NRXN3: variants seen among roughly 807,000 people sequenced by gnomAD.
NRXN3 encodes the protein neurexin 3, also known as neurexin III.
Under a neutral mutation model 137.6 loss-of-function variants are expected in NRXN3, and 32 were observed. The ratio of observed to expected loss-of-function variants is 0.23; its 90% CI spans 0.18 to 0.31. NRXN3 has a LOEUF of 0.31. NRXN3 is among the 10% of genes least tolerant of loss of function. The pLI, the probability that NRXN3 is intolerant of heterozygous loss-of-function variation, is 1.00. For synonymous variants in NRXN3, 798 were observed against 784.5 expected, an observed-to-expected ratio of 1.02 and a Z score of -0.29; for missense variants, 1,574 against 2,062.5, an observed-to-expected ratio of 0.76 and a Z score of 4.59.
At chr14:78,207,111 A>G (rs1235985498) in intron 1 of NRXN3, among the ~76,000 whole-genome samples, 1 of 152,000 alleles carries the variant, frequency 6.6e-6, no homozygotes, top group Non-Finnish European at 1.5e-5. Context: ...TGATCAGCCC[A>G]TCTTGGCCTC....
intron 4 of NRXN3, among the ~76,000 whole-genome samples, chr14:78,380,710 A>G (rs1229136258): frequency 6.6e-6 from 1 of 152,138 alleles, no homozygotes; most frequent in Non-Finnish European, 1.5e-5. Flanking sequence ...TTCTTAAGCC[A>G]TCAAGATTGT....
At chr14:78,440,908 C>G (rs932073653) in intron 4 of NRXN3, among the ~76,000 whole-genome samples, 1 of 152,138 alleles carries the variant, frequency 6.6e-6, no homozygotes, top group Admixed American at 6.6e-5. Context: ...TCCTATTGCC[C>G]GAAGCTTAAA....
chr14:78,466,894 G>T (rs2095121923), intron 4 of NRXN3, among the ~76,000 whole-genome samples: 1 of 152,108 alleles, frequency 6.6e-6, no homozygotes, highest in Non-Finnish European at 1.5e-5. Context: ...TTAAAGGTAA[G>T]AAATAATACC....
At chr14:78,393,470 G>C (rs144505549) in intron 4 of NRXN3, among the ~76,000 whole-genome samples, 5 of 152,034 alleles carry the variant, frequency 3.3e-5, no homozygotes, top group African/African-American at 9.6e-5. Context: ...CTGTTCCATT[G>C]ACCTGTGTCT....
At chr14:78,241,610 ACT>A (rs2067089499) in intron 1 of NRXN3, among the ~76,000 whole-genome samples, 1 of 149,996 alleles carries the variant, frequency 6.7e-6, no homozygotes, top group African/African-American at 2.5e-5. Context: ...AAAGAGCAAG[ACT>A]CTGTCTCGAA....
chr14:78,987,880 T>G, intron 14 of NRXN3, 142 bp from the exon 15 acceptor site: 3 of 835,116 alleles, frequency 3.6e-6, no homozygotes, highest in Non-Finnish European at 3.6e-6. Flanking sequence ...TGCATGAGAT[T>G]GAGTTGACAA....
At chr14:78,223,606 G>A (rs921002255) in intron 1 of NRXN3, among the ~76,000 whole-genome samples, 10 of 152,198 alleles carry the variant, frequency 6.6e-5, no homozygotes, top group Non-Finnish European at 8.8e-5. Flanking sequence ...AGGTTTCAGC[G>A]TTGGGTTGTG....
chr14:78,257,209 T>C lies in NRXN3; in HGVS notation c.709+13407T>C, dbSNP rs188580380. On this transcript the variant is annotated intron_variant, in intron 2 of 20. Transcript: ENST00000335750. ...GTTTTGTGTAAGAGAGCAAAGTCTC[T>C]GAACTATCTCCAAGCTTTTGCAAAG... Among the ~76,000 whole-genome samples the C allele has an allele frequency of 1.1e-3, 160 of 152,380 alleles. 1 individual carries two copies. The highest frequency in any genetic ancestry group is 8.2e-4 in the Non-Finnish European group (56 of 68,044).
intron 10 of NRXN3, among the ~76,000 whole-genome samples, chr14:78,890,563 A>G (rs1016197512): frequency 6.6e-6 from 1 of 151,750 alleles, no homozygotes; most frequent in Non-Finnish European, 1.5e-5. Flanking sequence ...CAACATCACT[A>G]AAATTACAAG....
chr14:78,458,248 G>T (rs956438472), intron 4 of NRXN3, among the ~76,000 whole-genome samples: 1 of 152,174 alleles, frequency 6.6e-6, no homozygotes, highest in African/African-American at 2.4e-5. Context: ...ATTGTCAGTA[G>T]AGCCCTTTGC....
At chr14:79,627,183 A>G (rs10149565) in intron 16 of NRXN3, among the ~76,000 whole-genome samples, 14,052 of 152,248 alleles carry the variant, frequency 0.092, 1,531 homozygotes, top group African/African-American at 0.25. Flanking sequence ...ATAGAAATAC[A>G]GGACTTGCTA....
At chr14:78,601,392 C>T (rs953361910) in intron 4 of NRXN3, among the ~76,000 whole-genome samples, 9 of 151,772 alleles carry the variant, frequency 5.9e-5, no homozygotes, top group South Asian at 2.1e-4. Flanking sequence ...CCTATGATGG[C>T]GAGCTTATGA....
In NRXN3 at chr14:79,663,655, T is replaced by C. The variant is rs552219285; in HGVS notation, c.3445-123T>C. The stretch of plus-strand genomic sequence containing the variant: ...GAAATGTAGAATGCTATTATTATCT[T>C]ATCTTCATGCTGACAGCTCCCTCTG... On this transcript the variant is annotated intron_variant, in intron 16 of 20. Transcript: ENST00000335750. The C allele has an allele frequency of 1.7e-5, 13 of 747,814 alleles. No homozygotes were observed. The East Asian group carries it at 3.2e-4, about 19-fold the overall frequency. 46.3% of individuals were successfully genotyped at this position (747,814 alleles called of 1,614,324 possible).
In NRXN3 at chr14:78,337,652, A is replaced by G. The variant is rs377759572; in HGVS notation, c.757+39792A>G. ...GGCTGTCTCACCCTGTGTGTTAGGC[A>G]GAGCACTGGATATTTTCTCTAAGCA... is the stretch of plus-strand genomic sequence containing the variant. On this transcript the variant is annotated intron_variant, in intron 4 of 20. Coordinates refer to ENST00000335750, the MANE Select transcript of NRXN3 (RefSeq NM_001330195.2). 2.6e-5 allele frequency among the ~76,000 whole-genome samples: 4 copies of G among 152,284 alleles called. No homozygotes were observed. The East Asian group carries it at 7.7e-4, about 29-fold the overall frequency.
chr14:79,040,919 T>C (rs2099624017), intron 15 of NRXN3, among the ~76,000 whole-genome samples: 1 of 152,170 alleles, frequency 6.6e-6, no homozygotes, highest in Non-Finnish European at 1.5e-5. Flanking sequence ...GCCTTTCTTA[T>C]CTGTGTGGCT....
chr14:79,641,512 G>T (rs2098434182), intron 16 of NRXN3, among the ~76,000 whole-genome samples: 1 of 135,654 alleles, frequency 7.4e-6, no homozygotes, highest in Non-Finnish European at 1.7e-5. Flanking sequence ...ATGTTTACAG[G>T]CCTGCAGGTT....
chr14:78,726,471 TTA>T (rs1482838626), intron 8 of NRXN3, among the ~76,000 whole-genome samples: 18 of 8,492 alleles, frequency 2.1e-3, no homozygotes, highest in Non-Finnish European at 5.4e-3. Context: ...ACACTCTTTT[TTA>T]ATTGTGATAA....
intron 20 of NRXN3, among the ~76,000 whole-genome samples, chr14:79,816,079 G>C (rs2099250582): frequency 6.6e-6 from 1 of 152,050 alleles, no homozygotes; most frequent in South Asian, 2.1e-4. Context: ...TGAAAACATA[G>C]TATTTTATTT....
At chr14:78,727,507 C>T (rs1441888013) in intron 8 of NRXN3, among the ~76,000 whole-genome samples, 2 of 152,070 alleles carry the variant, frequency 1.3e-5, no homozygotes, top group African/African-American at 4.8e-5. Context: ...CTGTGGGAGG[C>T]CAGGGCAGGT....
Sources: allele counts gnomAD v4.1 joint callset (sites outside exome capture counted in the v4.1 genomes callset), GRCh38; gene constraint gnomAD v4.1.1; transcripts MANE v1.5; gene names NCBI Gene and HGNC (gene_info 2026-07-23, HGNC 2026-07-21).